TYR: variants seen among roughly 807,000 people sequenced by gnomAD.
TYR encodes the protein LB24-AB.
In TYR, 58 loss-of-function variants were observed where a neutral mutation model predicts 51.5. The ratio of observed to expected loss-of-function variants is 1.13; its 90% CI spans 0.91 to 1.40. TYR has a LOEUF of 1.40. TYR is among the 40% of genes most tolerant of loss of function. The probability of loss-of-function intolerance (pLI) is 0.00; values close to 1 mark genes in which losing one functional copy is unlikely to be tolerated. For missense variants in TYR, 732 were observed against 647.4 expected, an observed-to-expected ratio of 1.13 and a Z score of -1.42; for synonymous variants, 263 against 235.2, an observed-to-expected ratio of 1.12 and a Z score of -1.08.
Position 89,178,684 on chromosome 11 carries a change from G to C in TYR, c.731G>C (p.Cys244Ser), listed in dbSNP as rs759359525. 1 of 1,613,876 alleles carries C rather than the reference G, an allele frequency of 6.2e-7. No individual in the cohort carries two copies. The highest frequency in any genetic ancestry group is 1.7e-5 in the Admixed American group (1 of 60,012). Residue 244 changes from cysteine (C) to serine (S), a missense_variant, in exon 1 of 5, where the codon TGT (cysteine) becomes TCT (serine). Transcript: ENST00000263321. ...PYWDWRDAEK[C>S]DICTDEYMGG... is the part of the protein sequence containing the mutation. ...TGGGACTGGCGGGATGCAGAAAAGT[G>C]TGACATTTGCACAGATGAGTACATG...
intron 3 of TYR, among the ~76,000 whole-genome samples, chr11:89,250,476 A>T (rs1944317732): frequency 2.0e-5 from 3 of 151,958 alleles, no homozygotes. Flanking sequence ...TATCAAAAAC[A>T]TTATTTATAG....
intron 3 of TYR, among the ~76,000 whole-genome samples, chr11:89,234,168 T>C (rs1465351153): frequency 7.0e-6 from 1 of 143,776 alleles, no homozygotes; most frequent in Non-Finnish European, 1.5e-5. Flanking sequence ...CAGTTTTATG[T>C]TATGAAGACT....
chr11:89,178,726 C>T lies in TYR; in HGVS notation c.773C>T (p.Thr258Ile), dbSNP rs1396458253. The change falls in exon 1 of 5, where the codon ACA becomes ATA. Residue 258 changes from threonine to isoleucine, a missense_variant. Coordinates refer to ENST00000263321, the MANE Select transcript of TYR (RefSeq NM_000372.5). ...TDEYMGGQHP[T>I]NPNLLSPASF... ...GAGTACATGGGAGGTCAGCACCCCACAAATCCTAACTTACTCAGCCCAGCA... is the reference window on the plus strand; with the variant it reads ...GAGTACATGGGAGGTCAGCACCCCATAAATCCTAACTTACTCAGCCCAGCA... The T allele has an allele frequency of 4.3e-6, 7 of 1,614,002 alleles. No individual in the cohort carries two copies. The East Asian group carries it at 1.6e-4, about 36-fold the overall frequency.
chr11:89,212,196 G>A (rs956152527), intron 2 of TYR, among the ~76,000 whole-genome samples: 1 of 151,918 alleles, frequency 6.6e-6, no homozygotes, highest in Admixed American at 6.6e-5. Context: ...TAGAACATTA[G>A]CAAGACTAAT....
chr11:89,287,363 G>A (rs1023578877), intron 4 of TYR, among the ~76,000 whole-genome samples: 1 of 151,762 alleles, frequency 6.6e-6, no homozygotes, highest in Non-Finnish European at 1.5e-5. Context: ...AACACTATAA[G>A]TATTCTATCA....
chr11:89,245,780 G>A (rs906648604), intron 3 of TYR, among the ~76,000 whole-genome samples: 1 of 151,992 alleles, frequency 6.6e-6, no homozygotes, highest in African/African-American at 2.4e-5. Context: ...AAATTAGCTG[G>A]GCTTGGTGGT....
At chr11:89,187,487 G>A (rs1943389246) in intron 1 of TYR, among the ~76,000 whole-genome samples, 1 of 152,138 alleles carries the variant, frequency 6.6e-6, no homozygotes, top group Non-Finnish European at 1.5e-5. Flanking sequence ...GTCTTTGAAG[G>A]TTCATAACAA....
Position 89,292,125 on chromosome 11 carries a change from A to G in TYR, c.1367-3018A>G, listed in dbSNP as rs151306666. Among the ~76,000 whole-genome samples the G allele has an allele frequency of 9.0e-3, 1,363 of 152,078 alleles. 28 individuals are homozygous for G. Among genetic ancestry groups the G allele is most frequent in the East Asian group, 0.063 (327 of 5,164 alleles). ...ATACTACCTCATAACATAGTGAAATATGAGTAATTTATAAATTTTTTCCCT... is the reference window on the plus strand; with the variant it reads ...ATACTACCTCATAACATAGTGAAATGTGAGTAATTTATAAATTTTTTCCCT... On this transcript the variant is annotated intron_variant, in intron 4 of 4. Coordinates refer to ENST00000263321, the MANE Select transcript of TYR (RefSeq NM_000372.5).
chr11:89,295,088 G>A (rs1306000055), intron 4 of TYR, 55 bp from the exon 5 acceptor site: 9 of 1,599,836 alleles, frequency 5.6e-6, no homozygotes, highest in African/African-American at 1.3e-5. Context: ...GAAGATGATG[G>A]TGATCGTAAC....
At chr11:89,220,653 C>T (rs543814966) in intron 2 of TYR, among the ~76,000 whole-genome samples, 23 of 152,212 alleles carry the variant, frequency 1.5e-4, no homozygotes, top group Non-Finnish European at 3.1e-4. Flanking sequence ...ACTCAGAACG[C>T]TGAGGCAGAA....
chr11:89,204,011 T>C (rs763191094), intron 2 of TYR, among the ~76,000 whole-genome samples: 1 of 152,180 alleles, frequency 6.6e-6, no homozygotes, highest in Non-Finnish European at 1.5e-5. Flanking sequence ...AAGGCTCAGT[T>C]TGCATTCCAA....
intron 3 of TYR, among the ~76,000 whole-genome samples, chr11:89,244,345 CAT>C (rs1160596656): frequency 4.6e-5 from 7 of 151,902 alleles, no homozygotes; most frequent in African/African-American, 1.5e-4. Context: ...TTTTTCCTGA[CAT>C]ACTCTGTATT....
At chr11:89,235,732 T>C (rs1396354733) in intron 3 of TYR, among the ~76,000 whole-genome samples, 1 of 152,126 alleles carries the variant, frequency 6.6e-6, no homozygotes, top group Non-Finnish European at 1.5e-5. Flanking sequence ...AAAGTTTTAG[T>C]TAGACATGAG....
intron 3 of TYR, among the ~76,000 whole-genome samples, chr11:89,251,261 C>T (rs1944328050): frequency 6.6e-6 from 1 of 151,838 alleles, no homozygotes; most frequent in Non-Finnish European, 1.5e-5. Context: ...TTTTGAAAAG[C>T]TCCTTTACCA....
chr11:89,280,596 A>T (rs1308972551), intron 3 of TYR, among the ~76,000 whole-genome samples: 1 of 151,370 alleles, frequency 6.6e-6, no homozygotes, highest in Non-Finnish European at 1.5e-5. Context: ...ATAGTTTTTT[A>T]AAATTGATAT....
intron 2 of TYR, among the ~76,000 whole-genome samples, chr11:89,198,771 T>TATATATATATATATATATATATATATATA (rs1565394780): frequency 2.4e-5 from 3 of 123,344 alleles, no homozygotes; most frequent in African/African-American, 1.3e-4. Context: ...ATATATATAT[T>TATATATATATATATATATATATATATATA]TTTATACTTT....
intron 3 of TYR, among the ~76,000 whole-genome samples, chr11:89,263,504 G>A (rs1287722501): frequency 6.6e-6 from 1 of 151,954 alleles, no homozygotes; most frequent in Non-Finnish European, 1.5e-5. Flanking sequence ...TGTATCGAAG[G>A]TTTAAGCCAG....
At chr11:89,247,710 G>A (rs1011572045) in intron 3 of TYR, among the ~76,000 whole-genome samples, 12 of 152,170 alleles carry the variant, frequency 7.9e-5, no homozygotes, top group African/African-American at 2.9e-4. Context: ...TGTGCCCAAA[G>A]GCACACAGTT....
intron 3 of TYR, among the ~76,000 whole-genome samples, chr11:89,256,563 T>C (rs181268195): frequency 9.3e-4 from 142 of 151,916 alleles, no homozygotes; most frequent in South Asian, 2.3e-3. Context: ...GTTTTAATAA[T>C]GTCAGTTGTT....
Sources: allele counts gnomAD v4.1 joint callset (sites outside exome capture counted in the v4.1 genomes callset), GRCh38; gene constraint gnomAD v4.1.1; transcripts MANE v1.5; gene names NCBI Gene and HGNC (gene_info 2026-07-23, HGNC 2026-07-21).